NCOA2: variants seen among roughly 807,000 people sequenced by gnomAD.
The protein encoded by NCOA2 is nuclear receptor coactivator 2, also known as class E basic helix-loop-helix protein 75.
NCOA2 carries 21 observed loss-of-function variants against 145.1 expected under a neutral mutation model. The observed-to-expected ratio is 0.14, with a 90% CI of 0.10 to 0.21. The LOEUF is 0.21. Among genes scored for constraint, NCOA2 ranks in the 10% least tolerant of loss-of-function variants. The pLI is 1.00. For missense variants in NCOA2, 1,472 were observed against 1,837.6 expected (o/e 0.80, Z 3.64); for synonymous variants, 619 against 637.5 (o/e 0.97, Z 0.44).
At chr8:70,316,361 T>C (rs1291446758) in intron 1 of NCOA2, among the ~76,000 whole-genome samples, 1 of 152,224 alleles carries the variant, frequency 6.6e-6, no homozygotes, top group Non-Finnish European at 1.5e-5. Flanking sequence ...CTCATGATAC[T>C]ACCTCAACCA....
intron 2 of NCOA2, among the ~76,000 whole-genome samples, chr8:70,292,989 C>G (rs1055907119): frequency 1.3e-5 from 2 of 152,126 alleles, no homozygotes; most frequent in African/African-American, 4.8e-5. Context: ...CCTGTGAGAC[C>G]AGGATCGTGA....
intron 2 of NCOA2, among the ~76,000 whole-genome samples, chr8:70,219,164 T>A (rs1156904108): frequency 6.6e-6 from 1 of 152,204 alleles, no homozygotes; most frequent in African/African-American, 2.4e-5. Flanking sequence ...CATTTTCTAG[T>A]CTAAGTATAG....
chr8:70,192,541 C>T (rs1245176837), intron 4 of NCOA2, among the ~76,000 whole-genome samples: 6 of 152,200 alleles, frequency 3.9e-5, no homozygotes, highest in Non-Finnish European at 8.8e-5. Context: ...AGAGTCTTGC[C>T]TGGTATTTCA....
chr8:70,183,492 T>A (rs1243535430), intron 4 of NCOA2, among the ~76,000 whole-genome samples: 1 of 152,238 alleles, frequency 6.6e-6, no homozygotes, highest in Admixed American at 6.5e-5. Flanking sequence ...ACTTTTAAAA[T>A]CTCCTAAATC....
the NCOA2 span, among the ~76,000 whole-genome samples, chr8:70,438,008 A>C: frequency 6.6e-6 from 1 of 152,202 alleles, no homozygotes; most frequent in African/African-American, 2.4e-5. Context: ...GAAATATTAT[A>C]ATTTTGCAAC....
chr8:70,456,247 C>T, the NCOA2 span, among the ~76,000 whole-genome samples: 2 of 152,040 alleles, frequency 1.3e-5, no homozygotes, highest in Non-Finnish European at 2.9e-5. Context: ...GTCTAAACTT[C>T]GAGGAACTTT....
At chr8:70,431,424 G>A in the NCOA2 span, among the ~76,000 whole-genome samples, 3 of 152,128 alleles carry the variant, frequency 2.0e-5, no homozygotes, top group South Asian at 4.1e-4. Flanking sequence ...AACAAAAATA[G>A]ACCCAACTCT....
intron 1 of NCOA2, among the ~76,000 whole-genome samples, chr8:70,377,615 C>T (rs1158124336): frequency 2.0e-5 from 3 of 151,954 alleles, no homozygotes; most frequent in Non-Finnish European, 4.4e-5. Flanking sequence ...TATGCTACTG[C>T]CTGATGATCT....
In NCOA2 at chr8:70,394,589, G is replaced by A. The variant is rs908120771; in HGVS notation, c.-77+9111C>T. Among the ~76,000 whole-genome samples, 10 of 152,248 alleles carry A rather than the reference G, an allele frequency of 6.6e-5. No individual in the cohort carries two copies. In the East Asian group the frequency reaches 7.7e-4, roughly 12 times the overall value. On this transcript the variant is annotated intron_variant, in intron 1 of 22. Coordinates refer to ENST00000452400, the MANE Select transcript of NCOA2 (RefSeq NM_006540.4). ...AAAATAAGTCTCAAAATAGAATTAC[G>A]GAAGTTGAAAATATATTGAGAAACT... is the stretch of plus-strand genomic sequence containing the variant.
chr8:70,441,114 GAAAGAAAGAGAA>G, the NCOA2 span, among the ~76,000 whole-genome samples: 5 of 43,176 alleles, frequency 1.2e-4, no homozygotes, highest in Admixed American at 3.3e-4. Flanking sequence ...GAGAGAGAAA[GAAAGAAAGAGAA>G]AGAAAGAAAG....
the NCOA2 span, among the ~76,000 whole-genome samples, chr8:70,434,439 A>G: frequency 4.6e-5 from 7 of 152,224 alleles, no homozygotes; most frequent in African/African-American, 1.7e-4. Flanking sequence ...ATGAAATGTG[A>G]ACATCACCCC....
At chr8:70,340,577 A>G (rs1192197282) in intron 1 of NCOA2, among the ~76,000 whole-genome samples, 3 of 152,218 alleles carry the variant, frequency 2.0e-5, no homozygotes, top group African/African-American at 7.2e-5. Context: ...CATTTGACCC[A>G]GCAATCCCAC....
intron 1 of NCOA2, among the ~76,000 whole-genome samples, chr8:70,388,064 C>T (rs1812833304): frequency 6.6e-6 from 1 of 152,168 alleles, no homozygotes. Flanking sequence ...TTTTATGATT[C>T]TGAGCCACAA....
In NCOA2 at chr8:70,128,866, T is replaced by C. The variant is rs1808753200; in HGVS notation, c.3439A>G (p.Ser1147Gly). Reference protein sequence around the residue: ...YASQAQMAQGSYSPMQDPNFH... With the variant: ...YASQAQMAQGGYSPMQDPNFH... ...TTTGGATCTTGCATGGGAGAATAGC[T>C]ACCCTGGGCCATTTGTGCCTGAGAT... is the stretch of plus-strand genomic sequence containing the variant. Residue 1147 changes from serine to glycine, a missense_variant, in exon 17 of 23, where the codon AGC becomes GGC. Physicochemically the swap from Ser to Gly is moderately conservative, Grantham distance 56. This residue lies in a region of NCOA2 where 953 missense variants were observed against 1,062.1 expected (regional missense o/e 0.90). Coordinates refer to ENST00000452400, the MANE Select transcript of NCOA2 (RefSeq NM_006540.4). The C allele has an allele frequency of 6.2e-7, 1 of 1,613,888 alleles. No homozygotes were observed. Among genetic ancestry groups the C allele is most frequent in the Admixed American group, 1.7e-5 (1 of 60,004 alleles).
At chr8:70,310,128 C>T (rs181220313) in intron 1 of NCOA2, among the ~76,000 whole-genome samples, 26 of 151,894 alleles carry the variant, frequency 1.7e-4, no homozygotes, top group African/African-American at 6.3e-4. Flanking sequence ...GCCGGGAGTT[C>T]GAGACCAGCA....
upstream of NCOA2, among the ~76,000 whole-genome samples, chr8:70,405,995 C>A (rs35229942): frequency 0.1 from 15,977 of 152,164 alleles, 1,286 homozygotes; most frequent in East Asian, 0.41. Context: ...CGCTCTGGTA[C>A]AATCTCTGGG....
At chr8:70,421,239 G>T in the NCOA2 span, among the ~76,000 whole-genome samples, 1 of 151,874 alleles carries the variant, frequency 6.6e-6, no homozygotes, top group Non-Finnish European at 1.5e-5. Flanking sequence ...GGGGAAAAAA[G>T]AATTAGTATT....
chr8:70,181,678 C>T (rs1815496335), intron 4 of NCOA2, among the ~76,000 whole-genome samples: 4 of 152,216 alleles, frequency 2.6e-5, no homozygotes, highest in African/African-American at 9.6e-5. Flanking sequence ...TCCTCTGCTT[C>T]AAAGTGAGTA....
intron 2 of NCOA2, among the ~76,000 whole-genome samples, chr8:70,295,070 C>G (rs185796502): frequency 6.6e-6 from 1 of 151,912 alleles, no homozygotes; most frequent in East Asian, 1.9e-4. Context: ...TAAGAAAGAA[C>G]AAAAAAATAA....
Sources: allele counts gnomAD v4.1 joint callset (sites outside exome capture counted in the v4.1 genomes callset), GRCh38; gene constraint gnomAD v4.1.1; regional missense constraint gnomAD v4.1.1; transcripts MANE v1.5; gene names NCBI Gene and HGNC (gene_info 2026-07-23, HGNC 2026-07-21).